Variants in DGKD observed in about 807,000 individuals in gnomAD.
DGKD encodes DAG kinase delta.
In DGKD, 68 loss-of-function variants were observed where a neutral mutation model predicts 154.4. The observed-to-expected ratio is 0.44, with a 90% CI of 0.36 to 0.54. DGKD has a LOEUF of 0.54. Among genes scored for constraint, DGKD ranks in the 20% least tolerant of loss-of-function variants. The pLI, the probability that DGKD is intolerant of heterozygous loss-of-function variation, is 0.00. For missense variants in DGKD, 1,343 were observed against 1,593.6 expected (o/e 0.84, Z 2.68); for synonymous variants, 693 against 638.0 (o/e 1.09, Z -1.30).
At chr2:233,413,678 C>T (rs1277787647) in intron 3 of DGKD, among the ~76,000 whole-genome samples, 6 of 152,126 alleles carry the variant, frequency 3.9e-5, no homozygotes, top group East Asian at 1.9e-4. Context: ...TGTCTCCCCC[C>T]GTCCACATGG....
intron 1 of DGKD, among the ~76,000 whole-genome samples, chr2:233,364,782 A>G (rs555017490): frequency 2.1e-4 from 32 of 152,354 alleles, no homozygotes; most frequent in African/African-American, 5.5e-4. Flanking sequence ...CAGTAATCAC[A>G]TTAAATCTAG....
chr2:233,415,027 G>T (rs1302949232), intron 3 of DGKD, among the ~76,000 whole-genome samples: 1 of 152,198 alleles, frequency 6.6e-6, no homozygotes, highest in African/African-American at 2.4e-5. Context: ...CTGAGTTCAA[G>T]CAATCCTCTT....
At chr2:233,405,143 T>A (rs1221543794) in intron 3 of DGKD, among the ~76,000 whole-genome samples, 1 of 152,198 alleles carries the variant, frequency 6.6e-6, no homozygotes, top group African/African-American at 2.4e-5. Context: ...ATGTATGTTG[T>A]TATGGTTTGA....
In DGKD at chr2:233,441,301, G is replaced by T. The variant is rs567037307; in HGVS notation, c.1086-586G>T. On this transcript the variant is annotated intron_variant, in intron 9 of 29. Transcript: ENST00000264057. The surrounding 1 kb of genome is among the most constrained non-coding windows in gnomAD (Gnocchi z 5.6). ...TCACCGGAGGACTGAGTGGGCCCAGGCATATGTGCTGCAGTGGGGACACGC... is the reference window on the plus strand; with the variant it reads ...TCACCGGAGGACTGAGTGGGCCCAGTCATATGTGCTGCAGTGGGGACACGC... 6.6e-6 allele frequency among the ~76,000 whole-genome samples: 1 copy of T among 152,174 alleles called. No homozygotes were observed. Among genetic ancestry groups the T allele is most frequent in the Non-Finnish European group, 1.5e-5 (1 of 68,020 alleles).
chr2:233,359,150 G>A (rs896783077), intron 1 of DGKD, among the ~76,000 whole-genome samples: 5 of 152,180 alleles, frequency 3.3e-5, no homozygotes, highest in African/African-American at 1.2e-4. Context: ...CTAAACTTTG[G>A]TGTCAGATGA....
At chr2:233,453,690 G>T (rs540151013) in intron 18 of DGKD, among the ~76,000 whole-genome samples, 31 of 152,338 alleles carry the variant, frequency 2.0e-4, no homozygotes, top group African/African-American at 5.5e-4. Context: ...AGGAACAGGG[G>T]TTCCTCCCTT....
intron 1 of DGKD, among the ~76,000 whole-genome samples, chr2:233,384,535 G>A (rs532349619): frequency 1.2e-4 from 18 of 152,088 alleles, no homozygotes; most frequent in Non-Finnish European, 2.1e-4. Flanking sequence ...GGCCCGCAGA[G>A]TCAGCACATC....
chr2:233,385,891 C>T, intron 1 of DGKD: 7 of 439,752 alleles, frequency 1.6e-5, no homozygotes, highest in South Asian at 1.1e-4. Flanking sequence ...CTGAAACCCA[C>T]CAGTCTTTTT....
At chr2:233,461,081 C>T (rs535393024) in intron 24 of DGKD, among the ~76,000 whole-genome samples, 1 of 152,296 alleles carries the variant, frequency 6.6e-6, no homozygotes, top group East Asian at 1.9e-4. Flanking sequence ...CTAGAAACAC[C>T]CCTGGAGCCA....
chr2:233,453,661 G>A (rs2063359789), intron 18 of DGKD, among the ~76,000 whole-genome samples: 1 of 152,204 alleles, frequency 6.6e-6, no homozygotes, highest in Non-Finnish European at 1.5e-5. Context: ...CTCTTCTCCT[G>A]GCTGCAGCCT....
chr2:233,438,187 A>G lies in DGKD; in HGVS notation c.923-30A>G. ...GCCCTCAGCGTCTTCCGTGGCCTAT[A>G]TATTTTCTTCTGTTCGTTCTTGCGT... On this transcript the variant is annotated intron_variant, in intron 8 of 29. Coordinates refer to ENST00000264057, the MANE Select transcript of DGKD (RefSeq NM_152879.3). The surrounding 1 kb of genome is among the most constrained non-coding windows in gnomAD (Gnocchi z 4.1). The G allele has an allele frequency of 2.5e-6, 4 of 1,609,898 alleles. No individual in the cohort carries two copies. The highest frequency in any genetic ancestry group is 1.8e-4 in the Middle Eastern group (1 of 5,526).
At position 233,388,335 on chromosome 2, in the gene DGKD, G is replaced by A. The variant is rs771492107; in HGVS notation, c.235G>A (p.Gly79Arg). 3 of 1,614,040 alleles carry A rather than the reference G, an allele frequency of 1.9e-6. No homozygotes were observed. The highest frequency in any genetic ancestry group is 3.3e-5 in the Admixed American group (2 of 59,980). ...RSKRRYFKLR[G>R]RTLYYAKTAK... ...AAAAAGGAGATACTTTAAGCTTCGAGGGCGAACGCTTTACTATGCCAAAAC... is the reference window on the plus strand; with the variant it reads ...AAAAAGGAGATACTTTAAGCTTCGAAGGCGAACGCTTTACTATGCCAAAAC... The change falls in exon 2 of 30, where the codon GGG becomes AGG. Residue 79 changes from glycine (G) to arginine (R), a missense_variant. Gly to Arg is a moderately radical substitution (Grantham distance 125). Around this residue, in one of 6 missense-constraint regions of DGKD, gnomAD observed 332 missense variants for 400.1 expected, o/e 0.83. Coordinates refer to ENST00000264057, the MANE Select transcript of DGKD (RefSeq NM_152879.3).
At position 233,462,708 on chromosome 2, in the gene DGKD, G is replaced by A. The variant is rs747036275; in HGVS notation, c.3159G>A (p.Glu1053=). The A allele has an allele frequency of 9.3e-6, 15 of 1,613,878 alleles. No individual in the cohort carries two copies. In the East Asian group the frequency reaches 1.8e-4, roughly 19 times the overall value. Residue 1053 remains glutamate, a synonymous_variant, in exon 26 of 30, where the codon GAG becomes GAA. Coordinates refer to ENST00000264057, the MANE Select transcript of DGKD (RefSeq NM_152879.3). ...TCAGAGCTCTGCGCAGTGAGACGGA[G>A]CTGCTGCTGTCTGGGAAGATGGCCC... is the stretch of plus-strand genomic sequence containing the variant. ...NNFRALRSET[E]LLLSGKMALQ... is the part of the protein sequence containing the mutation.
At chr2:233,448,703 G>C (rs553826738) in intron 14 of DGKD, among the ~76,000 whole-genome samples, 2 of 152,316 alleles carry the variant, frequency 1.3e-5, no homozygotes, top group South Asian at 4.1e-4. Flanking sequence ...GTGGTAGCTT[G>C]CATTCAGTCT....
intron 3 of DGKD, among the ~76,000 whole-genome samples, chr2:233,412,228 A>G (rs1162857304): frequency 2.6e-5 from 4 of 152,146 alleles, no homozygotes; most frequent in African/African-American, 7.2e-5. Flanking sequence ...TTGAATCTTT[A>G]ATGATGTTGA....
At chr2:233,443,872 C>A (rs755402807) in intron 10 of DGKD, among the ~76,000 whole-genome samples, 1 of 152,228 alleles carries the variant, frequency 6.6e-6, no homozygotes, top group Non-Finnish European at 1.5e-5. Flanking sequence ...CTCTCCCCTG[C>A]GTCTCTTTGA....
At chr2:233,462,834 A>G in intron 26 of DGKD, 99 bp downstream of exon 26, 1 of 1,089,136 alleles carries the variant, frequency 9.2e-7, no homozygotes, top group Non-Finnish European at 1.4e-6. Context: ...TTTAGTCCAG[A>G]GTTCCCGGTC....
intron 1 of DGKD, chr2:233,386,159 CTTTT>C: frequency 3.8e-6 from 1 of 263,476 alleles, no homozygotes; most frequent in Non-Finnish European, 7.6e-6. Context: ...TTGGTTTTGT[CTTTT>C]TTTTTTTTCC....
At chr2:233,363,860 A>G (rs1317078217) in intron 1 of DGKD, among the ~76,000 whole-genome samples, 1 of 152,270 alleles carries the variant, frequency 6.6e-6, no homozygotes, top group Admixed American at 6.5e-5. Flanking sequence ...CATGCCATAC[A>G]GATGAGGTGT....
Sources: allele counts gnomAD v4.1 joint callset (sites outside exome capture counted in the v4.1 genomes callset), GRCh38; gene constraint gnomAD v4.1.1; regional missense constraint gnomAD v4.1.1; non-coding constraint Gnocchi (gnomAD v3.1); transcripts MANE v1.5; gene names NCBI Gene and HGNC (gene_info 2026-07-23, HGNC 2026-07-21).